Variants in ACKR2 observed in about 807,000 individuals in gnomAD.
ACKR2 encodes C-C chemokine receptor D6.
For missense variants in ACKR2, 457 were observed against 477.3 expected (o/e 0.96, Z 0.40); for synonymous variants, 207 against 192.2 (o/e 1.08, Z -0.64).
intron 2 of ACKR2, among the ~76,000 whole-genome samples, chr3:42,839,505 A>G (rs1701016214): frequency 6.6e-6 from 1 of 152,200 alleles, no homozygotes; most frequent in Non-Finnish European, 1.5e-5. Context: ...ATGAGAATGA[A>G]TGAACTGCAA....
intron 2 of ACKR2, among the ~76,000 whole-genome samples, chr3:42,839,537 TA>T (rs1701016575): frequency 6.6e-6 from 1 of 152,112 alleles, no homozygotes; most frequent in African/African-American, 2.4e-5. Context: ...CTCGCAAACA[TA>T]ATGTTGAACA....
rs147331906 is a variant in ACKR2 at position 42,816,741 on chromosome 3, A to G, written c.-118-2890A>G. Reference sequence around the variant, plus strand: ...CTGGCTATTTTTTTCTATTTTTAGTAGAGACAGGGTTTCACCACGTTGGCC... The same window carrying G: ...CTGGCTATTTTTTTCTATTTTTAGTGGAGACAGGGTTTCACCACGTTGGCC... On this transcript the variant is annotated intron_variant, in intron 1 of 2. Coordinates refer to ENST00000422265, the MANE Select transcript of ACKR2 (RefSeq NM_001296.5). Among the ~76,000 whole-genome samples, 770 of 151,982 alleles carry G rather than the reference A, an allele frequency of 5.1e-3. 5 individuals are homozygous for G. Among genetic ancestry groups the G allele is most frequent in the African/African-American group, 0.018 (731 of 41,422 alleles).
chr3:42,823,777 T>G (rs1198511233), intron 2 of ACKR2, among the ~76,000 whole-genome samples: 1 of 152,242 alleles, frequency 6.6e-6, no homozygotes, highest in African/African-American at 2.4e-5. Flanking sequence ...TTTTGTGCTC[T>G]GCTTTTCTCC....
At chr3:42,840,965 C>T (rs936515938) in intron 2 of ACKR2, among the ~76,000 whole-genome samples, 11 of 152,236 alleles carry the variant, frequency 7.2e-5, no homozygotes, top group African/African-American at 2.7e-4. Context: ...GCTGGGATTA[C>T]AGGTGTGAGT....
chr3:42,863,312 A>T (rs1002723260), intron 2 of ACKR2, among the ~76,000 whole-genome samples: 6 of 152,222 alleles, frequency 3.9e-5, no homozygotes, highest in Non-Finnish European at 7.3e-5. Flanking sequence ...GAGATGAGAT[A>T]CCATCTAACC....
In ACKR2 at chr3:42,865,665, A is replaced by C. The variant is rs2088429617; in HGVS notation, c.*8A>C. 6.3e-7 allele frequency: 1 copy of C among 1,596,016 alleles called. No homozygotes were observed. ...GGGAATAAATCAGCCTGAGTGACCAAATTTTGGTCTGGTGGGAACAGATGG... is the reference window on the plus strand; with the variant it reads ...GGGAATAAATCAGCCTGAGTGACCACATTTTGGTCTGGTGGGAACAGATGG... On this transcript the variant is annotated 3_prime_UTR_variant, in exon 3 of 3. Transcript: ENST00000422265.
At chr3:42,840,099 A>C (rs1701020993) in intron 2 of ACKR2, among the ~76,000 whole-genome samples, 1 of 151,928 alleles carries the variant, frequency 6.6e-6, no homozygotes, top group African/African-American at 2.4e-5. Context: ...TCTACTAAAA[A>C]TACAAAAAAA....
chr3:42,831,861 C>T (rs1700935331), intron 2 of ACKR2, among the ~76,000 whole-genome samples: 1 of 152,008 alleles, frequency 6.6e-6, no homozygotes. Context: ...ACCATGATGC[C>T]AAAAATGCAA....
rs1575369808 is a variant in ACKR2 at position 42,809,534 on chromosome 3, T to C, written c.-119+2T>C. 2 of 152,100 alleles carry C rather than the reference T, an allele frequency of 1.3e-5. No homozygotes were observed. Among genetic ancestry groups the C allele is most frequent in the Non-Finnish European group, 2.9e-5 (2 of 68,076 alleles). 9.4% of individuals were successfully genotyped at this position (152,100 alleles called of 1,614,324 possible). On this transcript the variant is annotated splice_donor_variant, in intron 1 of 2. Coordinates refer to ENST00000422265, the MANE Select transcript of ACKR2 (RefSeq NM_001296.5). LOFTEE classifies it low-confidence loss of function (5UTR_SPLICE). ...ATGAGCTGCTATTGAACACGGCAGG[T>C]GAGAGAATTTCTTTATGGCCAATTC...
chr3:42,858,292 G>A (rs976124218), intron 2 of ACKR2, among the ~76,000 whole-genome samples: 4 of 152,266 alleles, frequency 2.6e-5, no homozygotes, highest in Admixed American at 1.3e-4. Context: ...AGCATCTGGC[G>A]GTGCCCCTCT....
intron 2 of ACKR2, among the ~76,000 whole-genome samples, chr3:42,860,786 C>A (rs1408923732): frequency 1.3e-5 from 2 of 152,078 alleles, no homozygotes; most frequent in South Asian, 2.1e-4. Flanking sequence ...GAAGTGAAGG[C>A]AGAAATAAAT....
intron 2 of ACKR2, among the ~76,000 whole-genome samples, chr3:42,862,479 C>T (rs1559694224): frequency 6.6e-6 from 1 of 152,146 alleles, no homozygotes; most frequent in African/African-American, 2.4e-5. Context: ...CAAGCTACCA[C>T]TGACTTTATT....
intron 2 of ACKR2, among the ~76,000 whole-genome samples, chr3:42,830,182 G>C (rs1284392296): frequency 6.6e-6 from 1 of 152,210 alleles, no homozygotes; most frequent in Non-Finnish European, 1.5e-5. Context: ...CAATCATAGA[G>C]GGGGTCTTAG....
At chr3:42,836,346 C>T (rs1278376168) in intron 2 of ACKR2, among the ~76,000 whole-genome samples, 1 of 152,180 alleles carries the variant, frequency 6.6e-6, no homozygotes, top group Non-Finnish European at 1.5e-5. Context: ...GATCCTGGGA[C>T]TCAGGCCATA....
chr3:42,859,115 C>T (rs185012822), intron 2 of ACKR2, among the ~76,000 whole-genome samples: 63 of 152,192 alleles, frequency 4.1e-4, no homozygotes, highest in Non-Finnish European at 6.9e-4. Context: ...GGATATTATC[C>T]AGGAGAACTT....
intron 2 of ACKR2, among the ~76,000 whole-genome samples, chr3:42,824,999 G>A (rs1322939496): frequency 6.6e-6 from 1 of 152,276 alleles, no homozygotes; most frequent in East Asian, 1.9e-4. Context: ...CAATGGATGT[G>A]AAGTGGAAAA....
At chr3:42,848,277 G>A (rs1024564947) in intron 2 of ACKR2, among the ~76,000 whole-genome samples, 6 of 143,792 alleles carry the variant, frequency 4.2e-5, no homozygotes, top group African/African-American at 1.6e-4. Context: ...GGAGTGCACG[G>A]CACAATCTTG....
At chr3:42,843,075 A>T (rs141275428) in intron 2 of ACKR2, among the ~76,000 whole-genome samples, 434 of 134,666 alleles carry the variant, frequency 3.2e-3, no homozygotes, top group Non-Finnish European at 4.5e-3. Context: ...TTTATTTATT[A>T]TTCATTATTT....
intron 1 of ACKR2, among the ~76,000 whole-genome samples, chr3:42,810,578 T>C (rs142713412): frequency 6.6e-6 from 1 of 152,288 alleles, no homozygotes; most frequent in African/African-American, 2.4e-5. Flanking sequence ...TTCCCTCCAC[T>C]TTTTCTTTTA....
Sources: gnomAD v4.1 joint callset for allele counts (sites outside exome capture counted in the v4.1 genomes callset) on GRCh38, gnomAD v4.1.1 for gene constraint, MANE v1.5 for transcripts, NCBI Gene and HGNC (gene_info 2026-07-23, HGNC 2026-07-21) for gene names.